RAB7A: variants seen among roughly 807,000 people sequenced by gnomAD.
The protein encoded by RAB7A is RAB7A, member RAS oncogene family.
RAB7A carries 2 observed loss-of-function variants against 24.5 expected under a neutral mutation model. The observed-to-expected ratio is 0.08, with a 90% CI of 0.03 to 0.26. The LOEUF is 0.26. RAB7A is among the 10% of genes least tolerant of loss of function. RAB7A has a pLI of 1.00. For synonymous variants in RAB7A, 100 were observed against 95.9 expected, an observed-to-expected ratio of 1.04 and a Z score of -0.25; for missense variants, 118 against 255.7, an observed-to-expected ratio of 0.46 and a Z score of 3.67.
chr3:128,782,754 T>C lies in RAB7A; in HGVS notation c.-8-12606T>C, dbSNP rs193030821. On this transcript the variant is annotated intron_variant, in intron 1 of 5. Transcript: ENST00000265062. ...CTAGATTTTGTTTACTCTCTTCAAC[T>C]ATTTATTACCAAAGGATCACAGGTC... is the stretch of plus-strand genomic sequence containing the variant. 7.2e-5 allele frequency among the ~76,000 whole-genome samples: 11 copies of C among 152,186 alleles called. No individual in the cohort carries two copies. The East Asian group carries it at 1.5e-3, about 21-fold the overall frequency.
intron 3 of RAB7A, among the ~76,000 whole-genome samples, chr3:128,802,771 C>T (rs774341286): frequency 2.0e-5 from 3 of 151,356 alleles, no homozygotes; most frequent in Non-Finnish European, 4.4e-5. Flanking sequence ...CCTCCCACGG[C>T]GCTGGGATTA....
chr3:128,757,034 G>A (rs1490880740), intron 1 of RAB7A, among the ~76,000 whole-genome samples: 2 of 151,912 alleles, frequency 1.3e-5, no homozygotes, highest in Non-Finnish European at 2.9e-5. Context: ...TAGTAGAGAC[G>A]GGGTTTTGCC....
chr3:128,764,649 A>G, intron 1 of RAB7A: 3 of 975,944 alleles, frequency 3.1e-6, no homozygotes, highest in Non-Finnish European at 4.9e-6. Context: ...CATTTTTGTC[A>G]GTGGCTAGTT....
rs1346428111 is a variant in RAB7A at position 128,743,826 on chromosome 3, G to A, written c.-9+17467G>A. On this transcript the variant is annotated intron_variant, in intron 1 of 5. Transcript: ENST00000265062. Reference sequence around the variant, plus strand: ...TTTTTTTCTGAGACAGTCTCGCTCTGTCTCCCAGGCTGGAGTGTAGTGGCA... The same window carrying A: ...TTTTTTTCTGAGACAGTCTCGCTCTATCTCCCAGGCTGGAGTGTAGTGGCA... 1.9e-4 allele frequency among the ~76,000 whole-genome samples: 27 copies of A among 142,550 alleles called. 1 individual carries two copies. The highest frequency in any genetic ancestry group is 8.0e-4 in the Admixed American group (11 of 13,798). The allele number at this position is 142,550 out of a possible 152,430, so 93.5% of individuals were successfully genotyped here. A position where few individuals can be genotyped will look rare whatever the true frequency, so the allele number is the denominator to read the frequency against.
intron 1 of RAB7A, among the ~76,000 whole-genome samples, chr3:128,756,626 A>G (rs2070731700): frequency 6.6e-6 from 1 of 152,122 alleles, no homozygotes; most frequent in African/African-American, 2.4e-5. Context: ...AATCTCAATG[A>G]TGGTTTTGCA....
At chr3:128,772,137 G>C (rs752126518) in intron 1 of RAB7A, among the ~76,000 whole-genome samples, 7 of 152,228 alleles carry the variant, frequency 4.6e-5, no homozygotes, top group African/African-American at 7.2e-5. Context: ...AGTAATGTCA[G>C]TAATGTCGAA....
chr3:128,802,472 G>A (rs1933720101), intron 3 of RAB7A, among the ~76,000 whole-genome samples: 1 of 152,088 alleles, frequency 6.6e-6, no homozygotes, highest in Admixed American at 6.5e-5. Flanking sequence ...GGGTGTTGTA[G>A]GGTACATATT....
At chr3:128,761,988 ATGTTTTGCCAGT>A (rs2070779174) in intron 1 of RAB7A, among the ~76,000 whole-genome samples, 2 of 152,206 alleles carry the variant, frequency 1.3e-5, no homozygotes, top group African/African-American at 4.8e-5. Flanking sequence ...CCATGTTTGC[ATGTTTTGCCAGT>A]TATCTTAAAG....
intron 1 of RAB7A, among the ~76,000 whole-genome samples, chr3:128,780,630 C>T (rs965850787): frequency 1.1e-4 from 17 of 152,302 alleles, no homozygotes; most frequent in African/African-American, 4.1e-4. Context: ...GGTGTGTTTA[C>T]CCCCTAGCTC....
chr3:128,813,178 C>T, intron 5 of RAB7A, 149 bp from the exon 6 acceptor site: 1 of 802,436 alleles, frequency 1.2e-6, no homozygotes, highest in Non-Finnish European at 2.2e-6. Context: ...AGAGCGCTCC[C>T]TTAACTGTGT....
intron 1 of RAB7A, among the ~76,000 whole-genome samples, chr3:128,758,135 A>C (rs35732133): frequency 0.1 from 15,249 of 151,602 alleles, 814 homozygotes; most frequent in South Asian, 0.17. Flanking sequence ...GCTAATTTTT[A>C]AATTTTTTTG....
At chr3:128,786,328 C>G (rs1417954506) in intron 1 of RAB7A, among the ~76,000 whole-genome samples, 1 of 152,170 alleles carries the variant, frequency 6.6e-6, no homozygotes, top group Non-Finnish European at 1.5e-5. Flanking sequence ...AGTCTGCCTA[C>G]AACAGACACT....
chr3:128,812,043 TG>T (rs1273475045), intron 5 of RAB7A, among the ~76,000 whole-genome samples: 1 of 152,028 alleles, frequency 6.6e-6, no homozygotes, highest in Non-Finnish European at 1.5e-5. Flanking sequence ...TAGGGTTTTT[TG>T]GGGGGTGATG....
chr3:128,809,934 G>GTTTTT (rs1231077081), intron 5 of RAB7A, among the ~76,000 whole-genome samples: 4 of 47,540 alleles, frequency 8.4e-5, no homozygotes, highest in East Asian at 5.6e-4. Flanking sequence ...TCTTGCCACA[G>GTTTTT]TCTTTTTTTT....
chr3:128,793,503 C>A (rs1933505665), intron 1 of RAB7A, among the ~76,000 whole-genome samples: 1 of 152,178 alleles, frequency 6.6e-6, no homozygotes. Context: ...CCAGGCTGGT[C>A]TCGAACTCCT....
intron 4 of RAB7A, among the ~76,000 whole-genome samples, chr3:128,806,887 T>C (rs1401243414): frequency 6.6e-6 from 1 of 152,266 alleles, no homozygotes; most frequent in Non-Finnish European, 1.5e-5. Context: ...TTCTCAGTAG[T>C]GCCCTCCCAG....
rs61748098 is a variant in RAB7A at position 128,813,401 on chromosome 3, G to A, written c.603G>A (p.Ser201=). 4.7e-5 allele frequency: 76 copies of A among 1,614,138 alleles called. No individual in the cohort carries two copies. The highest frequency in any genetic ancestry group is 1.7e-4 in the African/African-American group (13 of 75,040). The part of the protein sequence containing the change: ...KLDKNDRAKA[S]AESCSC ...ACAAGAATGACCGGGCCAAGGCCTCGGCAGAAAGCTGCAGTTGCTGAGGGG... is the reference window on the plus strand; with the variant it reads ...ACAAGAATGACCGGGCCAAGGCCTCAGCAGAAAGCTGCAGTTGCTGAGGGG... The change falls in exon 6 of 6, where the codon TCG becomes TCA. Residue 201 remains serine (S), a synonymous_variant. Coordinates refer to ENST00000265062, the MANE Select transcript of RAB7A (RefSeq NM_004637.6).
At chr3:128,803,455 G>A (rs1273449290) in intron 3 of RAB7A, among the ~76,000 whole-genome samples, 1 of 152,108 alleles carries the variant, frequency 6.6e-6, no homozygotes, top group Non-Finnish European at 1.5e-5. Flanking sequence ...GTTGATGGTA[G>A]GAGTGTAGTA....
At chr3:128,737,622 A>G (rs1339991586) in intron 1 of RAB7A, among the ~76,000 whole-genome samples, 1 of 149,176 alleles carries the variant, frequency 6.7e-6, no homozygotes, top group Non-Finnish European at 1.5e-5. Context: ...CTGGGATTAC[A>G]TGTGTGAGCC....
Sources: gnomAD v4.1 joint callset for allele counts (sites outside exome capture counted in the v4.1 genomes callset) on GRCh38, gnomAD v4.1.1 for gene constraint, MANE v1.5 for transcripts, NCBI Gene and HGNC (gene_info 2026-07-23, HGNC 2026-07-21) for gene names.